WDFY1: variants seen among roughly 807,000 people sequenced by gnomAD.
The protein encoded by WDFY1 is WD repeat and FYVE domain containing 1.
WDFY1 carries 32 observed loss-of-function variants against 56.4 expected under a neutral mutation model. That is an observed-to-expected ratio of 0.57 (90% CI 0.43 to 0.76). The LOEUF is 0.76. WDFY1 is among the 30% of genes least tolerant of loss of function. WDFY1 has a pLI of 0.00. For missense variants in WDFY1, 480 were observed against 545.7 expected (o/e 0.88, Z 1.20); for synonymous variants, 192 against 197.3 (o/e 0.97, Z 0.23).
At chr2:223,888,753 T>G (rs1319804039) in intron 8 of WDFY1, among the ~76,000 whole-genome samples, 1 of 150,792 alleles carries the variant, frequency 6.6e-6, no homozygotes, top group East Asian at 2.0e-4. Context: ...CACCCAGCTA[T>G]TTTTTTGTAT....
chr2:223,887,327 C>T (rs1339034459), intron 8 of WDFY1, among the ~76,000 whole-genome samples: 1 of 152,136 alleles, frequency 6.6e-6, no homozygotes, highest in African/African-American at 2.4e-5. Context: ...TCTTGCAAAA[C>T]CACAGTCACA....
intron 1 of WDFY1, among the ~76,000 whole-genome samples, chr2:223,919,838 G>T (rs979704521): frequency 6.6e-6 from 1 of 152,192 alleles, no homozygotes; most frequent in Non-Finnish European, 1.5e-5. Context: ...CATAGGCAGC[G>T]TGTCCTGGAG....
intron 1 of WDFY1, among the ~76,000 whole-genome samples, chr2:223,918,725 T>C (rs2106092942): frequency 6.6e-6 from 1 of 151,706 alleles, no homozygotes; most frequent in African/African-American, 2.4e-5. Context: ...ACAAATTATG[T>C]GCACTTGGTG....
At chr2:223,918,444 T>C (rs879320694) in intron 1 of WDFY1, among the ~76,000 whole-genome samples, 2 of 151,918 alleles carry the variant, frequency 1.3e-5, no homozygotes, top group Non-Finnish European at 2.9e-5. Context: ...TTGGCTAACA[T>C]GATGAAACCC....
intron 6 of WDFY1, among the ~76,000 whole-genome samples, chr2:223,897,839 G>T (rs771174980): frequency 6.6e-6 from 1 of 151,916 alleles, no homozygotes. Flanking sequence ...TTAAAAGTGT[G>T]TGGCACCCCC....
intron 1 of WDFY1, among the ~76,000 whole-genome samples, chr2:223,936,058 C>CTT (rs375847263): frequency 6.6e-4 from 70 of 105,638 alleles, no homozygotes; most frequent in African/African-American, 2.2e-3. Context: ...TCCCAAAGTC[C>CTT]TTTTTTTTTT....
chr2:223,928,436 T>G (rs1694019924), intron 1 of WDFY1, among the ~76,000 whole-genome samples: 1 of 152,168 alleles, frequency 6.6e-6, no homozygotes, highest in Non-Finnish European at 1.5e-5. Context: ...TGTCCTGGGC[T>G]CCTTGTGAGA....
rs1299276158 is a variant in WDFY1 at position 223,943,086 on chromosome 2, C to T, written c.137+2062G>A. ...GTCCCAGCTACTCAGGAGGTTGAGG[C>T]AGGAGAATCGCTTGAACCTGGGAGG... is the stretch of plus-strand genomic sequence containing the variant. On this transcript the variant is annotated intron_variant, in intron 1 of 11. Transcript: ENST00000233055. Among the ~76,000 whole-genome samples, 32 of 150,634 alleles carry T rather than the reference C, an allele frequency of 2.1e-4. No homozygotes were observed. The Admixed American group carries it at 2.1e-3, about 10-fold the overall frequency.
intron 2 of WDFY1, among the ~76,000 whole-genome samples, chr2:223,917,597 G>A (rs1693809538): frequency 6.6e-6 from 1 of 151,246 alleles, no homozygotes; most frequent in Admixed American, 6.6e-5. Flanking sequence ...TTTTTGAGAT[G>A]GAGTCTCGCT....
chr2:223,924,947 GACA>G (rs1288667833), intron 1 of WDFY1, among the ~76,000 whole-genome samples: 2 of 151,960 alleles, frequency 1.3e-5, no homozygotes, highest in African/African-American at 4.8e-5. Context: ...CAATAATAAT[GACA>G]ACAACACTAA....
rs1361729824 is a variant in WDFY1, at chr2:223,899,003, C to G, written c.553G>C (p.Glu185Gln). The G allele has an allele frequency of 1.2e-6, 2 of 1,613,982 alleles. No individual in the cohort carries two copies. The highest frequency in any genetic ancestry group is 1.1e-5 in the South Asian group (1 of 91,082). ...GTGATGACTGAACACGTGTTCTGTTCAAGCTTCAGCAGGGTGATCTGCCCA... is the reference window on the plus strand; with the variant it reads ...GTGATGACTGAACACGTGTTCTGTTGAAGCTTCAGCAGGGTGATCTGCCCA... ...YSGQITLLKL[E>Q]QNTCSVITTL... is the part of the protein sequence containing the mutation. Residue 185 changes from glutamate to glutamine, a missense_variant, in exon 6 of 12, where the codon GAA becomes CAA. Physicochemically the swap from Glu to Gln is conservative, Grantham distance 29. Transcript: ENST00000233055.
intron 1 of WDFY1, among the ~76,000 whole-genome samples, chr2:223,930,354 GA>G (rs1278909798): frequency 1.3e-5 from 2 of 152,144 alleles, no homozygotes; most frequent in African/African-American, 4.8e-5. Context: ...TTTTGAGACG[GA>G]GTCCGGTTCT....
chr2:223,932,676 T>C (rs1018807163), intron 1 of WDFY1, among the ~76,000 whole-genome samples: 4 of 152,130 alleles, frequency 2.6e-5, no homozygotes, highest in African/African-American at 9.7e-5. Flanking sequence ...GCATACTATA[T>C]GTTACAAATT....
chr2:223,936,153 T>C (rs1315914602), intron 1 of WDFY1, among the ~76,000 whole-genome samples: 1 of 148,482 alleles, frequency 6.7e-6, no homozygotes, highest in South Asian at 2.2e-4. Flanking sequence ...CCTATGCCCC[T>C]TGGGTTCAAG....
intron 1 of WDFY1, among the ~76,000 whole-genome samples, chr2:223,934,091 T>C (rs867893174): frequency 0.02 from 2,925 of 147,966 alleles, 83 homozygotes; most frequent in Admixed American, 0.083. Flanking sequence ...CTTTTTTTTT[T>C]TTTTTTTTTT....
intron 1 of WDFY1, among the ~76,000 whole-genome samples, chr2:223,918,285 G>A (rs1395446024): frequency 6.6e-6 from 1 of 151,978 alleles, no homozygotes; most frequent in Non-Finnish European, 1.5e-5. Context: ...GATGATATAA[G>A]GTAAGTTATG....
At chr2:223,937,284 C>A (rs539258516) in intron 1 of WDFY1, among the ~76,000 whole-genome samples, 1 of 152,122 alleles carries the variant, frequency 6.6e-6, no homozygotes, top group Non-Finnish European at 1.5e-5. Flanking sequence ...CACAAACATG[C>A]ATACAAAGTA....
chr2:223,899,953 G>A (rs887619854), intron 5 of WDFY1, among the ~76,000 whole-genome samples: 1 of 152,140 alleles, frequency 6.6e-6, no homozygotes, highest in Non-Finnish European at 1.5e-5. Context: ...TTAAATTACT[G>A]TGGATAGTTT....
At chr2:223,944,284 C>T (rs1216191841) in intron 1 of WDFY1, among the ~76,000 whole-genome samples, 2 of 152,234 alleles carry the variant, frequency 1.3e-5, no homozygotes, top group Non-Finnish European at 2.9e-5. Flanking sequence ...CGGTCCTCCA[C>T]GCTTCCAGAG....
Sources: allele counts gnomAD v4.1 joint callset (sites outside exome capture counted in the v4.1 genomes callset), GRCh38; gene constraint gnomAD v4.1.1; transcripts MANE v1.5; gene names NCBI Gene and HGNC (gene_info 2026-07-23, HGNC 2026-07-21).